DHRSX: variants seen among roughly 807,000 people sequenced by gnomAD.
DHRSX encodes the protein dehydrogenase/reductase X-linked.
Under a neutral mutation model 34.0 loss-of-function variants are expected in DHRSX, and 31 were observed. The observed-to-expected ratio is 0.91, with a 90% CI of 0.69 to 1.23. DHRSX has a LOEUF of 1.23. DHRSX is among the 50% of genes most tolerant of loss of function. The probability of loss-of-function intolerance (pLI) is 0.00; values close to 1 mark genes in which losing one functional copy is unlikely to be tolerated. For synonymous variants in DHRSX, 201 were observed against 183.8 expected, an observed-to-expected ratio of 1.09 and a Z score of -0.76; for missense variants, 414 against 428.1, an observed-to-expected ratio of 0.97 and a Z score of 0.29.
chrX:2,437,262 G>T (rs184097477), intron 1 of DHRSX, among the ~76,000 whole-genome samples: 3,625 of 152,110 alleles, frequency 0.024, 49 homozygotes, highest in Middle Eastern at 0.037. Context: ...GCCTCCCAAA[G>T]TGCTGGGATT....
At chrX:2,406,684 A>G (rs4634818) in intron 3 of DHRSX, among the ~76,000 whole-genome samples, 119,029 of 151,898 alleles carry the variant, frequency 0.78, 47,670 homozygotes, top group African/African-American at 0.95. Flanking sequence ...CAGGTGATCC[A>G]CCCGCCTCGG....
chrX:2,450,680 A>C (rs1235014684), intron 1 of DHRSX, among the ~76,000 whole-genome samples: 2 of 151,942 alleles, frequency 1.3e-5, no homozygotes, highest in Non-Finnish European at 2.9e-5. Context: ...ATTCACCTTC[A>C]AAGCAAGGAG....
At chrX:2,242,216 C>G (rs191845668) in intron 6 of DHRSX, among the ~76,000 whole-genome samples, 1 of 152,242 alleles carries the variant, frequency 6.6e-6, no homozygotes, top group East Asian at 1.9e-4. Flanking sequence ...AGCAAACCTT[C>G]AAATGGCAAA....
chrX:2,240,709 A>C (rs2016121663), intron 6 of DHRSX, among the ~76,000 whole-genome samples: 1 of 152,152 alleles, frequency 6.6e-6, no homozygotes, highest in Non-Finnish European at 1.5e-5. Flanking sequence ...GGTGTTTCAA[A>C]AGCAGACACT....
intron 4 of DHRSX, among the ~76,000 whole-genome samples, chrX:2,274,635 T>G (rs1261052490): frequency 2.7e-5 from 4 of 150,572 alleles, no homozygotes; most frequent in African/African-American, 9.8e-5. Context: ...TTTGTCATGT[T>G]GACCAGTCTG....
At chrX:2,239,455 T>C (rs1478323277) in intron 6 of DHRSX, among the ~76,000 whole-genome samples, 2 of 150,012 alleles carry the variant, frequency 1.3e-5, no homozygotes, top group African/African-American at 2.4e-5. Flanking sequence ...CAAGACCTGG[T>C]CTCTAAAAAA....
At chrX:2,274,969 G>A (rs2041605525) in intron 4 of DHRSX, among the ~76,000 whole-genome samples, 1 of 152,114 alleles carries the variant, frequency 6.6e-6, no homozygotes, top group Non-Finnish European at 1.5e-5. Context: ...ATGCCTGTTA[G>A]GAGGCCATTA....
intron 3 of DHRSX, among the ~76,000 whole-genome samples, chrX:2,335,912 C>A (rs1360714156): frequency 6.6e-6 from 1 of 152,072 alleles, no homozygotes; most frequent in Non-Finnish European, 1.5e-5. Flanking sequence ...TGAACTTAGG[C>A]GACATCCATG....
intron 2 of DHRSX, among the ~76,000 whole-genome samples, chrX:2,409,334 T>C (rs1388294772): frequency 2.0e-5 from 3 of 152,130 alleles, no homozygotes; most frequent in African/African-American, 7.2e-5. Context: ...TGCAGGTTGG[T>C]TACATAGGTA....
intron 6 of DHRSX, among the ~76,000 whole-genome samples, chrX:2,242,820 G>A (rs932998289): frequency 1.1e-4 from 17 of 151,996 alleles, no homozygotes; most frequent in Non-Finnish European, 2.1e-4. Flanking sequence ...ACCAGCGGCC[G>A]CCGGGGATGC....
intron 5 of DHRSX, among the ~76,000 whole-genome samples, chrX:2,262,206 G>A (rs2041372676): frequency 6.6e-6 from 1 of 152,188 alleles, no homozygotes; most frequent in Admixed American, 6.5e-5. Flanking sequence ...GGAGCCCGAG[G>A]CAGGAGGCCT....
Position 2,307,455 on chromosome X carries a change from A to AT in DHRSX, c.287-15853dup, listed in dbSNP as rs774154372. Among the ~76,000 whole-genome samples the AT allele has an allele frequency of 5.7e-3, 866 of 151,468 alleles. 8 individuals are homozygous for AT. The highest frequency in any genetic ancestry group is 0.019 in the African/African-American group (805 of 41,324). On this transcript the variant is annotated intron_variant, in intron 3 of 6. Transcript: ENST00000334651. ...CAAAGCTGCACGTGTACCTCATGAA[A>AT]TTTTTTTTAAAAGAAAACAAACAAG...
intron 4 of DHRSX, among the ~76,000 whole-genome samples, chrX:2,271,303 G>A (rs973308431): frequency 6.6e-6 from 1 of 152,194 alleles, no homozygotes; most frequent in Admixed American, 6.5e-5. Context: ...CTTCATTCTT[G>A]AAGTCAGCGA....
At chrX:2,419,949 C>T (rs772613406) in intron 2 of DHRSX, among the ~76,000 whole-genome samples, 2 of 152,028 alleles carry the variant, frequency 1.3e-5, no homozygotes, top group Non-Finnish European at 2.9e-5. Flanking sequence ...GCACATGTAC[C>T]CTAAAACTTA....
chrX:2,345,675 T>C (rs2042699198), intron 3 of DHRSX, among the ~76,000 whole-genome samples: 1 of 129,472 alleles, frequency 7.7e-6, no homozygotes, highest in Non-Finnish European at 1.6e-5. Context: ...AAAAAAAAAA[T>C]CTAAATCAGT....
intron 1 of DHRSX, among the ~76,000 whole-genome samples, chrX:2,482,560 C>T (rs1482517880): frequency 1.3e-5 from 2 of 152,130 alleles, no homozygotes; most frequent in Non-Finnish European, 2.9e-5. Flanking sequence ...CCATTGTGCC[C>T]GGTCTCATAC....
At position 2,328,744 on chromosome X, in the gene DHRSX, G is replaced by A. The variant is rs762826595; in HGVS notation, c.287-37141C>T. On this transcript the variant is annotated intron_variant, in intron 3 of 6. Transcript: ENST00000334651. ...GTCTGCTGTTTAAGCGGCCCAGCCT[G>A]TAGTATTTTGTCATGGCAGCCCTAG... Among the ~76,000 whole-genome samples the A allele has an allele frequency of 3.9e-5, 6 of 152,318 alleles. No individual in the cohort carries two copies. In the South Asian group the frequency reaches 1.0e-3, roughly 26 times the overall value.
chrX:2,270,201 CTG>C (rs1053554117), intron 4 of DHRSX, among the ~76,000 whole-genome samples: 1 of 152,134 alleles, frequency 6.6e-6, no homozygotes, highest in African/African-American at 2.4e-5. Flanking sequence ...GTGTACCTGC[CTG>C]TGTTTGTGTA....
chrX:2,385,036 G>A (rs2043254296), intron 3 of DHRSX, among the ~76,000 whole-genome samples: 1 of 152,000 alleles, frequency 6.6e-6, no homozygotes, highest in Admixed American at 6.6e-5. Flanking sequence ...CTGGAAGGCG[G>A]AGGTTGTAGT....
Sources: allele counts gnomAD v4.1 joint callset (sites outside exome capture counted in the v4.1 genomes callset), GRCh38; gene constraint gnomAD v4.1.1; transcripts MANE v1.5; gene names NCBI Gene and HGNC (gene_info 2026-07-23, HGNC 2026-07-21).